The following OR6C1 variants were observed in gnomAD, a reference collection of about 807,000 sequenced individuals.
The protein encoded by OR6C1 is olfactory receptor 6C1.
For missense variants in OR6C1, 386 were observed against 366.1 expected, an observed-to-expected ratio of 1.05 and a Z score of -0.44; for synonymous variants, 157 against 133.3, an observed-to-expected ratio of 1.18 and a Z score of -1.22.
In OR6C1 at chr12:55,321,005, C is replaced by A. The variant is rs751582473; in HGVS notation, c.406C>A (p.Arg136=). 3 of 1,613,810 alleles carry A rather than the reference C, an allele frequency of 1.9e-6. No individual in the cohort carries two copies. The highest frequency in any genetic ancestry group is 2.5e-6 in the Non-Finnish European group (3 of 1,179,870). ...KPLHCLSIMN[R]RVCTLLVFTS... Reference sequence around the variant, plus strand: ...TCTGCATTGCTTGAGTATCATGAATCGAAGAGTCTGCACACTGCTTGTTTT... The same window carrying A: ...TCTGCATTGCTTGAGTATCATGAATAGAAGAGTCTGCACACTGCTTGTTTT... The change falls in exon 2 of 2, where the codon CGA becomes AGA. Residue 136 remains arginine (R), a synonymous_variant. Transcript: ENST00000642104.
intron 1 of OR6C1, among the ~76,000 whole-genome samples, chr12:55,315,491 G>A (rs1868394136): frequency 6.6e-6 from 1 of 151,670 alleles, no homozygotes. Flanking sequence ...TACTATTTAT[G>A]AAATTAAGTG....
At position 55,320,985 on chromosome 12, in the gene OR6C1, A is replaced by G. The variant is rs1180963822; in HGVS notation, c.386A>G (p.His129Arg). The change falls in exon 2 of 2, where the codon CAT (histidine) becomes CGT (arginine). Residue 129 changes from histidine to arginine, a missense_variant. His to Arg is a conservative substitution (Grantham distance 29). Coordinates refer to ENST00000642104, the MANE Select transcript of OR6C1 (RefSeq NM_001005182.2). ...TATGTGGCCATCTGCAAGCCTCTGC[A>G]TTGCTTGAGTATCATGAATCGAAGA... ...DRYVAICKPL[H>R]CLSIMNRRVC... 1.9e-6 allele frequency: 3 copies of G among 1,613,950 alleles called. No individual in the cohort carries two copies. The highest frequency in any genetic ancestry group is 2.2e-5 in the East Asian group (1 of 44,850).
chr12:55,321,463 C>T lies in OR6C1; in HGVS notation c.864C>T (p.Tyr288=), dbSNP rs1187136235. Residue 288 remains tyrosine (Y), a synonymous_variant, in exon 2 of 2, where the codon TAC becomes TAT. Transcript: ENST00000642104. ...CCCCCATGATGAACCCCTTTATTTA[C>T]AGCCTAAGAAATCAGCAAGTCAAGC... ...SVAPMMNPFI[Y]SLRNQQVKQA... is the part of the protein sequence containing the mutation. 3.7e-6 allele frequency: 6 copies of T among 1,613,428 alleles called. No homozygotes were observed. The highest frequency in any genetic ancestry group is 4.2e-6 in the Non-Finnish European group (5 of 1,179,768).
chr12:55,319,979 A>G (rs1324146976), intron 1 of OR6C1, among the ~76,000 whole-genome samples: 2 of 152,072 alleles, frequency 1.3e-5, no homozygotes, highest in Non-Finnish European at 2.9e-5. Context: ...CATCTCTACT[A>G]AAAATACAAA....
In OR6C1 at chr12:55,322,345, G is replaced by A. The variant is rs1301953240; in HGVS notation, c.*807G>A. On this transcript the variant is annotated 3_prime_UTR_variant, in exon 2 of 2. Coordinates refer to ENST00000642104, the MANE Select transcript of OR6C1 (RefSeq NM_001005182.2). ...TTTAGACTAGTTTAAAACAGGATATGTATCCAAATTATTTTATACCTGAAC... is the reference window on the plus strand; with the variant it reads ...TTTAGACTAGTTTAAAACAGGATATATATCCAAATTATTTTATACCTGAAC... The A allele has an allele frequency of 3.3e-5, 5 of 151,860 alleles. No homozygotes were observed. Among genetic ancestry groups the A allele is most frequent in the African/African-American group, 1.2e-4 (5 of 41,396 alleles). 9.4% of individuals were successfully genotyped at this position (151,860 alleles called of 1,614,324 possible).
In OR6C1 at chr12:55,319,468, G is replaced by A. The variant is rs76879651; in HGVS notation, c.-33-1099G>A. 7.0e-3 allele frequency among the ~76,000 whole-genome samples: 1,063 copies of A among 152,234 alleles called. 27 individuals are homozygous for A. In the East Asian group the frequency reaches 0.096, roughly 14 times the overall value. On this transcript the variant is annotated intron_variant, in intron 1 of 1. Coordinates refer to ENST00000642104, the MANE Select transcript of OR6C1 (RefSeq NM_001005182.2). The stretch of plus-strand genomic sequence containing the variant: ...TGGTTTTTCAGTATGTCCAAAGAAC[G>A]AAGAGAAGGTTAGAATCTGCATAAA...
In OR6C1 at chr12:55,321,099, G is replaced by T. The variant is rs567938890; in HGVS notation, c.500G>T (p.Cys167Phe). ...ATGTTGCTTTTAAAGCTTCATTACT[G>T]TAGGTCTAATATTATTGACCATTTT... is the stretch of plus-strand genomic sequence containing the variant. Reference protein sequence around the residue: ...ALMLLLKLHYCRSNIIDHFTC... With the variant: ...ALMLLLKLHYFRSNIIDHFTC... Residue 167 changes from cysteine to phenylalanine, a missense_variant, in exon 2 of 2, where the codon TGT becomes TTT. By Grantham distance (205) the Cys-to-Phe change is radical. Transcript: ENST00000642104. The T allele has an allele frequency of 1.2e-6, 2 of 1,613,076 alleles. No individual in the cohort carries two copies. The highest frequency in any genetic ancestry group is 1.7e-6 in the Non-Finnish European group (2 of 1,179,204).
At chr12:55,320,386 T>G (rs886766565) in intron 1 of OR6C1, among the ~76,000 whole-genome samples, 181 bp from the exon 2 acceptor site, 1 of 152,168 alleles carries the variant, frequency 6.6e-6, no homozygotes, top group African/African-American at 2.4e-5. Flanking sequence ...TAACCTGTCT[T>G]ATGTGAAGAG....
chr12:55,320,810 T>C lies in OR6C1; in HGVS notation c.211T>C (p.Phe71Leu). The stretch of plus-strand genomic sequence containing the variant: ...AAATTTCTCCATATTAGAAATTTCG[T>C]TCACAACCGTCAGTATACCCAAGTT... ...LRNFSILEIS[F>L]TTVSIPKFLG... Residue 71 changes from phenylalanine to leucine, a missense_variant, in exon 2 of 2, where the codon TTC (phenylalanine) becomes CTC (leucine). Transcript: ENST00000642104. The C allele has an allele frequency of 6.2e-7, 1 of 1,613,940 alleles. No homozygotes were observed. The highest frequency in any genetic ancestry group is 8.5e-7 in the Non-Finnish European group (1 of 1,179,912).
Position 55,321,681 on chromosome 12 carries a change from T to G in OR6C1, c.*143T>G. 2.1e-6 allele frequency: 1 copy of G among 474,082 alleles called. No homozygotes were observed. Among genetic ancestry groups the G allele is most frequent in the Non-Finnish European group, 3.6e-6 (1 of 278,606 alleles). The allele number at this position is 474,082 out of a possible 1,614,324, so 29.4% of individuals were successfully genotyped here. Reference sequence around the variant, plus strand: ...TTGCAAGCATATTTATTTAATATATTTCTCATTTGACTTAAAATAATTTTC... The same window carrying G: ...TTGCAAGCATATTTATTTAATATATGTCTCATTTGACTTAAAATAATTTTC... On this transcript the variant is annotated 3_prime_UTR_variant, in exon 2 of 2. Coordinates refer to ENST00000642104, the MANE Select transcript of OR6C1 (RefSeq NM_001005182.2).
At chr12:55,318,579 A>C (rs1443165700) in intron 1 of OR6C1, among the ~76,000 whole-genome samples, 1 of 149,648 alleles carries the variant, frequency 6.7e-6, no homozygotes, top group Non-Finnish European at 1.5e-5. Context: ...CTAAATGCTA[A>C]GCATTTTTCT....
chr12:55,318,184 A>G (rs1160281079), intron 1 of OR6C1, among the ~76,000 whole-genome samples: 2 of 151,226 alleles, frequency 1.3e-5, no homozygotes, highest in Non-Finnish European at 2.9e-5. Context: ...CAAGCTATGA[A>G]CATCACAGTG....
chr12:55,321,243 C>T lies in OR6C1; in HGVS notation c.644C>T (p.Ser215Phe), dbSNP rs200626137. Residue 215 changes from serine (S) to phenylalanine (F), a missense_variant, in exon 2 of 2, where the codon TCC becomes TTC. Coordinates refer to ENST00000642104, the MANE Select transcript of OR6C1 (RefSeq NM_001005182.2). ...TTCACTTTGGCATTAATATTTCTGTCCTACATATACATTATCAGAACAATT... is the reference window on the plus strand; with the variant it reads ...TTCACTTTGGCATTAATATTTCTGTTCTACATATACATTATCAGAACAATT... ...LMFTLALIFL[S>F]YIYIIRTILR... 7.5e-5 allele frequency: 121 copies of T among 1,613,824 alleles called. No homozygotes were observed. The highest frequency in any genetic ancestry group is 9.4e-5 in the Non-Finnish European group (111 of 1,179,814).
At position 55,320,814 on chromosome 12, in the gene OR6C1, C is replaced by G; in HGVS notation, c.215C>G (p.Thr72Arg). The change falls in exon 2 of 2, where the codon ACA becomes AGA. Residue 72 changes from threonine (T) to arginine (R), a missense_variant. Physicochemically the swap from Thr to Arg is moderately conservative, Grantham distance 71. Transcript: ENST00000642104. The part of the protein sequence containing the change: ...RNFSILEISF[T>R]TVSIPKFLGN... ...TTCTCCATATTAGAAATTTCGTTCA[C>G]AACCGTCAGTATACCCAAGTTTCTG... 1 of 1,613,878 alleles carries G rather than the reference C, an allele frequency of 6.2e-7. No individual in the cohort carries two copies. Among genetic ancestry groups the G allele is most frequent in the South Asian group, 1.1e-5 (1 of 91,038 alleles).
Position 55,321,281 on chromosome 12 carries a change from T to A in OR6C1, c.682T>A (p.Ser228Thr). The change falls in exon 2 of 2, where the codon TCT becomes ACT. Residue 228 changes from serine to threonine, a missense_variant. Coordinates refer to ENST00000642104, the MANE Select transcript of OR6C1 (RefSeq NM_001005182.2). ...YIIRTILRIPSTSQRTKAFST... is the reference protein window; with the variant it reads ...YIIRTILRIPTTSQRTKAFST... ...TATCAGAACAATTTTGAGAATTCCT[T>A]CTACTAGTCAGAGGACAAAGGCCTT... The A allele has an allele frequency of 6.2e-7, 1 of 1,613,594 alleles. No individual in the cohort carries two copies. The highest frequency in any genetic ancestry group is 8.5e-7 in the Non-Finnish European group (1 of 1,179,548).
At chr12:55,316,652 G>T (rs1447115521) in intron 1 of OR6C1, among the ~76,000 whole-genome samples, 2 of 151,790 alleles carry the variant, frequency 1.3e-5, no homozygotes, top group Non-Finnish European at 2.9e-5. Flanking sequence ...AAACATTGAG[G>T]TTCAATCCTC....
intron 1 of OR6C1, among the ~76,000 whole-genome samples, chr12:55,317,004 T>A (rs899232959): frequency 3.3e-5 from 5 of 151,846 alleles, no homozygotes; most frequent in African/African-American, 9.7e-5. Context: ...TTAAAAAAAA[T>A]TAGCAGGGAA....
intron 1 of OR6C1, among the ~76,000 whole-genome samples, chr12:55,318,288 G>C (rs1237393352): frequency 6.6e-6 from 1 of 150,750 alleles, no homozygotes; most frequent in Non-Finnish European, 1.5e-5. Flanking sequence ...TGAGGTGAAA[G>C]AGGCAGCTAT....
Position 55,321,751 on chromosome 12 carries a change from A to C in OR6C1, c.*213A>C. The C allele has an allele frequency of 2.5e-6, 1 of 401,264 alleles. No homozygotes were observed. Among genetic ancestry groups the C allele is most frequent in the Non-Finnish European group, 4.4e-6 (1 of 227,358 alleles). The allele number at this position is 401,264 out of a possible 1,614,324, so 24.9% of individuals were successfully genotyped here. The stretch of plus-strand genomic sequence containing the variant: ...CCTCCTTTGAACAATTTTTTGTAAA[A>C]TTACAAGCTCTTCAAGAATATTTTG... On this transcript the variant is annotated 3_prime_UTR_variant, in exon 2 of 2. Transcript: ENST00000642104.
Sources: gnomAD v4.1 joint callset for allele counts (sites outside exome capture counted in the v4.1 genomes callset) on GRCh38, gnomAD v4.1.1 for gene constraint, MANE v1.5 for transcripts, NCBI Gene and HGNC (gene_info 2026-07-23, HGNC 2026-07-21) for gene names.